Variants in NOX3 observed in about 807,000 individuals in gnomAD.
The protein encoded by NOX3 is NADPH oxidase catalytic subunit-like 3.
A neutral mutation model predicts 76.7 loss-of-function variants in NOX3; 74 were observed. The observed-to-expected ratio is 0.96, with a 90% CI of 0.80 to 1.17. The LOEUF (loss-of-function observed/expected upper bound fraction) is 1.17, where lower values mean the gene tolerates loss of function less well. Ranked by LOEUF, NOX3 falls within the 50% of genes most tolerant of loss-of-function variation. NOX3 has a pLI of 0.00. For synonymous variants in NOX3, 263 were observed against 261.1 expected (o/e 1.01, Z -0.07); for missense variants, 695 against 703.3 (o/e 0.99, Z 0.13).
chr6:155,448,988 T>C (rs1283473102), intron 4 of NOX3, among the ~76,000 whole-genome samples: 1 of 152,150 alleles, frequency 6.6e-6, no homozygotes, highest in Non-Finnish European at 1.5e-5. Flanking sequence ...GTGCCACGCA[T>C]TTGTAAATCA....
chr6:155,438,957 T>C (rs1332495806), intron 6 of NOX3, among the ~76,000 whole-genome samples: 1 of 152,240 alleles, frequency 6.6e-6, no homozygotes. Flanking sequence ...ATTCCTAAAA[T>C]GGAAGACTTG....
At position 155,455,785 on chromosome 6, in the gene NOX3, T is replaced by C. The variant is rs1201499029; in HGVS notation, c.16A>G (p.Ile6Val). The change falls in exon 1 of 14, where the codon ATT becomes GTT. Residue 6 changes from isoleucine (I) to valine (V), a missense_variant. Ile to Val is a conservative substitution (Grantham distance 29). Coordinates refer to ENST00000159060, the MANE Select transcript of NOX3 (RefSeq NM_015718.3). Reference protein sequence around the residue: MMGCWILNEGLSTILV... With the variant: MMGCWVLNEGLSTILV... ...ATGGTGGAGAGACCCTCATTCAAAA[T>C]CCAGCACCCCATCATGATACTTGTT... The C allele has an allele frequency of 6.2e-7, 1 of 1,613,982 alleles. No individual in the cohort carries two copies. Among genetic ancestry groups the C allele is most frequent in the Non-Finnish European group, 8.5e-7 (1 of 1,179,836 alleles).
chr6:155,447,850 ATTG>A (rs755821087), intron 4 of NOX3, among the ~76,000 whole-genome samples: 4 of 152,226 alleles, frequency 2.6e-5, no homozygotes, highest in Admixed American at 6.5e-5. Flanking sequence ...TAAATTCAGA[ATTG>A]TTGTGACTTG....
intron 4 of NOX3, 106 bp from the exon 5 acceptor site, chr6:155,443,524 GT>G: frequency 1.5e-6 from 2 of 1,344,874 alleles, no homozygotes; most frequent in Non-Finnish European, 2.0e-6. Flanking sequence ...TCTGGTTTTT[GT>G]AATCTCCAAG....
At chr6:155,396,655 C>T (rs915987268) in intron 13 of NOX3, among the ~76,000 whole-genome samples, 154 bp downstream of exon 13, 1 of 152,202 alleles carries the variant, frequency 6.6e-6, no homozygotes, top group African/African-American at 2.4e-5. Flanking sequence ...CATTCATTGA[C>T]GTTATTGTTT....
At chr6:155,408,592 G>T (rs545544546) in intron 11 of NOX3, among the ~76,000 whole-genome samples, 2 of 152,036 alleles carry the variant, frequency 1.3e-5, no homozygotes, top group African/African-American at 4.8e-5. Flanking sequence ...TGTCCCAACA[G>T]GTCAGGAGAC....
At chr6:155,413,638 C>A (rs568594899) in intron 10 of NOX3, among the ~76,000 whole-genome samples, 1 of 152,082 alleles carries the variant, frequency 6.6e-6, no homozygotes, top group African/African-American at 2.4e-5. Context: ...TCTTTGAAAA[C>A]CTTAGCTTTC....
rs1415925673 is a variant in NOX3 at position 155,440,008 on chromosome 6, T to C, written c.616A>G (p.Thr206Ala). 16 of 1,613,922 alleles carry C rather than the reference T, an allele frequency of 9.9e-6. No homozygotes were observed. The highest frequency in any genetic ancestry group is 1.3e-5 in the Non-Finnish European group (15 of 1,179,990). ...AAGAAGACGATGAAAACATGGTGTG[T>C]GTACCAGAACAACTCATAGGAGGCC... Reference protein sequence around the residue: ...RQASYELFWYTHHVFIVFFLS... With the variant: ...RQASYELFWYAHHVFIVFFLS... Residue 206 changes from threonine (T) to alanine (A), a missense_variant, in exon 6 of 14, where the codon ACA (threonine) becomes GCA (alanine). Thr to Ala is a moderately conservative substitution (Grantham distance 58). Coordinates refer to ENST00000159060, the MANE Select transcript of NOX3 (RefSeq NM_015718.3).
intron 6 of NOX3, among the ~76,000 whole-genome samples, chr6:155,438,089 T>C (rs768286586): frequency 6.6e-6 from 1 of 152,076 alleles, no homozygotes; most frequent in Non-Finnish European, 1.5e-5. Flanking sequence ...AGGGTGTGGA[T>C]GTGGGGGACG....
intron 4 of NOX3, among the ~76,000 whole-genome samples, chr6:155,444,207 G>T (rs1374789499): frequency 6.6e-6 from 1 of 152,118 alleles, no homozygotes; most frequent in Non-Finnish European, 1.5e-5. Flanking sequence ...GTTACCTGAG[G>T]TCAACCACAA....
intron 12 of NOX3, among the ~76,000 whole-genome samples, chr6:155,404,579 G>C (rs1034049929): frequency 6.6e-6 from 1 of 152,190 alleles, no homozygotes; most frequent in Non-Finnish European, 1.5e-5. Context: ...AGATTGTGAG[G>C]TTGTGCAGCT....
At chr6:155,399,185 TG>T (rs1779178661) in intron 12 of NOX3, among the ~76,000 whole-genome samples, 1 of 152,198 alleles carries the variant, frequency 6.6e-6, no homozygotes, top group Non-Finnish European at 1.5e-5. Flanking sequence ...TTTTCAAAGA[TG>T]CTGTTATGGG....
chr6:155,397,061 A>T, intron 12 of NOX3, 99 bp from the exon 13 acceptor site: 1 of 1,166,104 alleles, frequency 8.6e-7, no homozygotes, highest in Non-Finnish European at 1.2e-6. Flanking sequence ...TTGTGGCTTT[A>T]CTTATTTATT....
chr6:155,443,480 A>G (rs1777022121), intron 4 of NOX3, 62 bp from the exon 5 acceptor site: 1 of 1,560,776 alleles, frequency 6.4e-7, no homozygotes, highest in Admixed American at 1.8e-5. Flanking sequence ...TAGTTACTAA[A>G]AAATACAGTG....
chr6:155,428,892 GA>G lies in NOX3; in HGVS notation c.1046del (p.Phe349SerfsTer45). On this transcript the variant is annotated frameshift_variant, in exon 9 of 14. Coordinates refer to ENST00000159060, the MANE Select transcript of NOX3 (RefSeq NM_015718.3). LOFTEE classifies it high-confidence loss of function. ...TLTSAPQEDF[F>X]SVHIRAAGDW... ...CTCCTGCTGCCCGGATGTGCACGCT[GA>G]AAAAGTCCTCCTGGGGGGCAGAGGT... 1 of 1,613,646 alleles carries G rather than the reference GA, an allele frequency of 6.2e-7. No individual in the cohort carries two copies. The highest frequency in any genetic ancestry group is 8.5e-7 in the Non-Finnish European group (1 of 1,179,746).
intron 5 of NOX3, 45 bp from the exon 6 acceptor site, chr6:155,440,182 A>C (rs567166583): frequency 1.5e-5 from 22 of 1,451,788 alleles, no homozygotes; most frequent in Middle Eastern, 1.9e-4. Context: ...ACAAAAAAAA[A>C]CACCTTGACA....
In NOX3 at chr6:155,454,846, G is replaced by C; in HGVS notation, c.220C>G (p.Arg74Gly). 6.2e-7 allele frequency: 1 copy of C among 1,601,508 alleles called. No homozygotes were observed. Among genetic ancestry groups the C allele is most frequent in the Non-Finnish European group, 8.5e-7 (1 of 1,176,280 alleles). The change falls in exon 3 of 14, where the codon CGA becomes GGA. Residue 74 changes from arginine to glycine, a missense_variant. By Grantham distance (125) the Arg-to-Gly change is moderately radical. Coordinates refer to ENST00000159060, the MANE Select transcript of NOX3 (RefSeq NM_015718.3). The stretch of plus-strand genomic sequence containing the variant: ...CCTCTTATGAATGAAATAAGGTTTC[G>C]ACTGACAGGTATTAGAATTAGCATG... ...NCMLILIPVS[R>G]NLISFIRGTS... is the part of the protein sequence containing the mutation.
chr6:155,399,248 C>T (rs1648604706), intron 12 of NOX3, among the ~76,000 whole-genome samples: 1 of 150,024 alleles, frequency 6.7e-6, no homozygotes, highest in African/African-American at 2.5e-5. Flanking sequence ...TGCCCACTGG[C>T]CCACTCCAAT....
At chr6:155,409,297 A>C (rs986396389) in intron 11 of NOX3, among the ~76,000 whole-genome samples, 1 of 152,144 alleles carries the variant, frequency 6.6e-6, no homozygotes, top group South Asian at 2.1e-4. Context: ...GACTGTGCAC[A>C]GTGTGATGGG....
Sources: gnomAD v4.1 joint callset for allele counts (sites outside exome capture counted in the v4.1 genomes callset) on GRCh38, gnomAD v4.1.1 for gene constraint, MANE v1.5 for transcripts, NCBI Gene and HGNC (gene_info 2026-07-23, HGNC 2026-07-21) for gene names.